The following SUCO variants were observed in gnomAD, a reference collection of about 807,000 sequenced individuals.
SUCO encodes SUN domain-containing ossification factor.
Under a neutral mutation model 148.1 loss-of-function variants are expected in SUCO, and 57 were observed. That is an observed-to-expected ratio of 0.38 (90% CI 0.31 to 0.48). SUCO has a LOEUF of 0.48. Ranked by LOEUF, SUCO falls within the 20% of genes least tolerant of loss-of-function variation. The pLI, the probability that SUCO is intolerant of heterozygous loss-of-function variation, is 0.96. For synonymous variants in SUCO, 470 were observed against 502.7 expected, an observed-to-expected ratio of 0.93 and a Z score of 0.87; for missense variants, 1,331 against 1,468.2, an observed-to-expected ratio of 0.91 and a Z score of 1.53.
chr1:172,597,876 C>T (rs896971002), intron 19 of SUCO, among the ~76,000 whole-genome samples: 3 of 152,118 alleles, frequency 2.0e-5, no homozygotes, highest in Admixed American at 6.5e-5. Context: ...TGGAGATACA[C>T]TTTGCAAATA....
intron 1 of SUCO, among the ~76,000 whole-genome samples, chr1:172,549,346 C>T (rs1360931111): frequency 9.9e-5 from 15 of 151,652 alleles, no homozygotes; most frequent in Admixed American, 9.8e-4. Flanking sequence ...TCCTTCTTTG[C>T]AATTATTAGG....
At chr1:172,546,600 T>G (rs1652879697) in intron 1 of SUCO, among the ~76,000 whole-genome samples, 1 of 152,120 alleles carries the variant, frequency 6.6e-6, no homozygotes, top group Admixed American at 6.5e-5. Context: ...AATTACAGGA[T>G]CTTGAACAAG....
At chr1:172,579,413 T>C in intron 15 of SUCO, 146 bp downstream of exon 15, 1 of 534,580 alleles carries the variant, frequency 1.9e-6, no homozygotes, top group Non-Finnish European at 3.3e-6. Flanking sequence ...AAAAGTATTT[T>C]TATAGAAATG....
chr1:172,588,438 G>A (rs1000514883), intron 17 of SUCO: 28 of 984,982 alleles, frequency 2.8e-5, no homozygotes, highest in Non-Finnish European at 3.3e-5. Context: ...TGAGAGGAAA[G>A]GAACACTACA....
At chr1:172,580,528 G>A (rs1655805690) in intron 15 of SUCO, among the ~76,000 whole-genome samples, 1 of 151,952 alleles carries the variant, frequency 6.6e-6, no homozygotes, top group African/African-American at 2.4e-5. Flanking sequence ...TAATGTTTTT[G>A]TTTCCCTTAA....
rs755905985 is a variant in SUCO at position 172,589,420 on chromosome 1, C to G, written c.2319C>G (p.Ile773Met). Reference sequence around the variant, plus strand: ...TTCCCCAAGAGAGTTCTGTTGAGATCGATAATGAAACAGAACAAAAGTCTG... The same window carrying G: ...TTCCCCAAGAGAGTTCTGTTGAGATGGATAATGAAACAGAACAAAAGTCTG... ...PVIPQESSVE[I>M]DNETEQKSES... Residue 773 changes from isoleucine (I) to methionine (M), a missense_variant, in exon 18 of 24, where the codon ATC (isoleucine) becomes ATG (methionine). Ile to Met is a conservative substitution (Grantham distance 10). Coordinates refer to ENST00000263688, the MANE Select transcript of SUCO (RefSeq NM_014283.5). 1 of 1,613,056 alleles carries G rather than the reference C, an allele frequency of 6.2e-7. No individual in the cohort carries two copies. Among genetic ancestry groups the G allele is most frequent in the Admixed American group, 1.7e-5 (1 of 59,852 alleles).
intron 22 of SUCO, 99 bp downstream of exon 22, chr1:172,602,886 A>T (rs1657624394): frequency 1.0e-6 from 1 of 994,386 alleles, no homozygotes; most frequent in Non-Finnish European, 1.5e-6. Flanking sequence ...TCTGCAACAA[A>T]AAATGGATAC....
chr1:172,577,780 A>G lies in SUCO; in HGVS notation c.1301A>G (p.His434Arg), dbSNP rs1655560311. 1 of 1,611,956 alleles carries G rather than the reference A, an allele frequency of 6.2e-7. No homozygotes were observed. Among genetic ancestry groups the G allele is most frequent in the South Asian group, 1.1e-5 (1 of 90,904 alleles). The part of the protein sequence containing the change: ...IKYIKVELLS[H>R]FGSEHFCPLS... ...ATTCTTTAGGTTGAGTTGCTATCAC[A>G]TTTTGGATCAGAGCACTTTTGTCCA... The change falls in exon 13 of 24, where the codon CAT (histidine) becomes CGT (arginine). Residue 434 changes from histidine to arginine, a missense_variant. By Grantham distance (29) the His-to-Arg change is conservative (BLOSUM62 0). Coordinates refer to ENST00000263688, the MANE Select transcript of SUCO (RefSeq NM_014283.5).
chr1:172,600,682 A>G (rs1317571991), intron 20 of SUCO, among the ~76,000 whole-genome samples: 4 of 136,904 alleles, frequency 2.9e-5, no homozygotes, highest in African/African-American at 1.2e-4. Flanking sequence ...GATACGTACT[A>G]TGAAGAAAAT....
rs1270723487 is a variant in SUCO, at chr1:172,588,891, G to A, written c.1790G>A (p.Gly597Asp). The change falls in exon 18 of 24, where the codon GGC (glycine) becomes GAC (aspartate). Residue 597 changes from glycine to aspartate, a missense_variant. Coordinates refer to ENST00000263688, the MANE Select transcript of SUCO (RefSeq NM_014283.5). ...EASPSTVTLL[G>D]SGEQEDESSP... is the part of the protein sequence containing the mutation. ...AGTCCATCTACAGTGACCCTTCTGG[G>A]CAGCGGTGAACAGGAAGATGAATCA... is the stretch of plus-strand genomic sequence containing the variant. 6.2e-7 allele frequency: 1 copy of A among 1,613,472 alleles called. No individual in the cohort carries two copies. Among genetic ancestry groups the A allele is most frequent in the Admixed American group, 1.7e-5 (1 of 59,896 alleles).
In SUCO at chr1:172,589,269, C is replaced by G; in HGVS notation, c.2168C>G (p.Pro723Arg). 1.2e-6 allele frequency: 2 copies of G among 1,613,752 alleles called. No individual in the cohort carries two copies. The highest frequency in any genetic ancestry group is 1.7e-6 in the Non-Finnish European group (2 of 1,179,850). Residue 723 changes from proline to arginine, a missense_variant, in exon 18 of 24, where the codon CCA (proline) becomes CGA (arginine). Pro to Arg is a moderately radical substitution (Grantham distance 103). Coordinates refer to ENST00000263688, the MANE Select transcript of SUCO (RefSeq NM_014283.5). The stretch of plus-strand genomic sequence containing the variant: ...ACTGTAGATGCAGTTGAACTTGAAC[C>G]AAGCCATTCTCAAACTCTTTCTCAG... ...NHTVDAVELE[P>R]SHSQTLSQSL...
Position 172,589,944 on chromosome 1 carries a change from T to G in SUCO, c.2825+18T>G, listed in dbSNP as rs2149261135. 6.6e-7 allele frequency: 1 copy of G among 1,506,608 alleles called. No homozygotes were observed. The highest frequency in any genetic ancestry group is 1.4e-5 in the South Asian group (1 of 73,794). 93.3% of individuals were successfully genotyped at this position (1,506,608 alleles called of 1,614,324 possible). A position where few individuals can be genotyped will look rare whatever the true frequency, so the allele number is the denominator to read the frequency against. ...AGCCAAAGGTAAGCTTTATTATGAATTAGCACAGTCAGCTTCACACAGTGA... is the reference window on the plus strand; with the variant it reads ...AGCCAAAGGTAAGCTTTATTATGAAGTAGCACAGTCAGCTTCACACAGTGA... On this transcript the variant is annotated intron_variant, in intron 18 of 23. Transcript: ENST00000263688.
chr1:172,533,008 G>T, upstream of SUCO: 1 of 1,423,046 alleles, frequency 7.0e-7, no homozygotes, highest in South Asian at 1.5e-5. Flanking sequence ...GGCGCCGCGG[G>T]ACTTGGGTGA....
chr1:172,549,815 A>C (rs141198548), intron 1 of SUCO, among the ~76,000 whole-genome samples: 2 of 151,948 alleles, frequency 1.3e-5, no homozygotes, highest in African/African-American at 4.8e-5. Flanking sequence ...GGATGCCTAG[A>C]AGTATTAAAG....
At chr1:172,609,749 C>G in intron 23 of SUCO, 67 bp from the exon 24 acceptor site, 1 of 1,533,208 alleles carries the variant, frequency 6.5e-7, no homozygotes, top group South Asian at 1.3e-5. Context: ...TAGCTCAGCT[C>G]TCTAGGTGTT....
intron 1 of SUCO, among the ~76,000 whole-genome samples, chr1:172,549,199 C>T (rs1237309936): frequency 1.3e-5 from 2 of 151,714 alleles, no homozygotes; most frequent in Admixed American, 1.3e-4. Flanking sequence ...CTAATGTTTC[C>T]TAACATAATA....
intron 9 of SUCO, among the ~76,000 whole-genome samples, chr1:172,572,189 T>C (rs61806144): frequency 1 from 144,010 of 144,012 alleles, 72,004 homozygotes; most frequent in Middle Eastern, 1. Context: ...ACCACCCCGT[T>C]TGGGAGGTGT....
At chr1:172,595,109 T>G (rs945979793) in intron 19 of SUCO, among the ~76,000 whole-genome samples, 4 of 152,208 alleles carry the variant, frequency 2.6e-5, no homozygotes, top group Non-Finnish European at 4.4e-5. Context: ...TTGTAACCCC[T>G]GCTTTTTTTT....
chr1:172,535,087 T>G (rs1651912547), intron 1 of SUCO, among the ~76,000 whole-genome samples: 1 of 152,236 alleles, frequency 6.6e-6, no homozygotes, highest in Non-Finnish European at 1.5e-5. Context: ...ATCTTTTGAT[T>G]AAGCTAACCC....
Sources: gnomAD v4.1 joint callset for allele counts (sites outside exome capture counted in the v4.1 genomes callset) on GRCh38, gnomAD v4.1.1 for gene constraint, MANE v1.5 for transcripts, NCBI Gene and HGNC (gene_info 2026-07-23, HGNC 2026-07-21) for gene names.